LRP1B: variants seen among roughly 807,000 people sequenced by gnomAD.
LRP1B encodes the protein LDL receptor related protein 1B.
In LRP1B, 217 loss-of-function variants were observed where a neutral mutation model predicts 556.6. That is an observed-to-expected ratio of 0.39 (90% confidence interval 0.35 to 0.44). The LOEUF is 0.44. Among genes scored for constraint, LRP1B ranks in the 20% least tolerant of loss-of-function variants. LRP1B has a pLI of 1.00. For synonymous variants in LRP1B, 2,047 were observed against 1,865.8 expected, an observed-to-expected ratio of 1.10 and a Z score of -2.50; for missense variants, 5,053 against 5,620.8, an observed-to-expected ratio of 0.90 and a Z score of 3.23.
chr2:142,113,239 C>T (rs1173603344), intron 1 of LRP1B, among the ~76,000 whole-genome samples: 2 of 152,148 alleles, frequency 1.3e-5, no homozygotes, highest in East Asian at 3.9e-4. Flanking sequence ...TAATGCCTTT[C>T]AGAAGGATCA....
intron 15 of LRP1B, among the ~76,000 whole-genome samples, chr2:141,002,426 C>G (rs866645768): frequency 2.0e-5 from 3 of 151,938 alleles, no homozygotes; most frequent in Non-Finnish European, 4.4e-5. Context: ...AGTCATCCCT[C>G]GATATCCAGG....
At chr2:141,403,335 C>T (rs1188141193) in intron 3 of LRP1B, among the ~76,000 whole-genome samples, 1 of 151,156 alleles carries the variant, frequency 6.6e-6, no homozygotes, top group African/African-American at 2.5e-5. Context: ...TATTTCAAAA[C>T]TATTAAAAAA....
chr2:142,056,651 G>C (rs1464043783), intron 1 of LRP1B, among the ~76,000 whole-genome samples: 1 of 152,014 alleles, frequency 6.6e-6, no homozygotes, highest in Non-Finnish European at 1.5e-5. Context: ...ATAAATATCA[G>C]ACAACTCTGA....
At chr2:140,395,948 G>C (rs1482633350) in intron 66 of LRP1B, among the ~76,000 whole-genome samples, 2 of 152,116 alleles carry the variant, frequency 1.3e-5, no homozygotes, top group African/African-American at 2.4e-5. Context: ...GGGGGAAGGG[G>C]AAAGTAGTTA....
rs369857549 is a variant in LRP1B at position 140,952,521 on chromosome 2, C to A, written c.2888-581G>T. On this transcript the variant is annotated intron_variant, in intron 18 of 90. Transcript: ENST00000389484. ...ACGAAAAAGAACAAAACAACAACAA[C>A]AAAAAAAACAAAAAACCGAAAAAAA... Among the ~76,000 whole-genome samples the A allele has an allele frequency of 1.6e-4, 23 of 147,498 alleles. 1 individual carries two copies. The highest frequency in any genetic ancestry group is 8.8e-4 in the Admixed American group (13 of 14,832).
intron 1 of LRP1B, among the ~76,000 whole-genome samples, chr2:142,051,965 C>A (rs538554622): frequency 7.9e-5 from 12 of 151,952 alleles, no homozygotes; most frequent in Non-Finnish European, 1.8e-4. Context: ...TGAAAAGAAC[C>A]ACCAATTGTG....
At chr2:141,252,087 G>T (rs536780571) in intron 4 of LRP1B, among the ~76,000 whole-genome samples, 1 of 152,030 alleles carries the variant, frequency 6.6e-6, no homozygotes, top group Non-Finnish European at 1.5e-5. Context: ...TGTCTCTCAT[G>T]CTAGAGAGCT....
intron 3 of LRP1B, among the ~76,000 whole-genome samples, chr2:141,277,367 G>A (rs537943827): frequency 2.6e-5 from 4 of 152,242 alleles, no homozygotes; most frequent in South Asian, 4.1e-4. Flanking sequence ...CTGTGGTTTC[G>A]ATTTGCATTT....
chr2:140,233,983 G>A (rs1680582740), intron 90 of LRP1B, among the ~76,000 whole-genome samples: 1 of 151,236 alleles, frequency 6.6e-6, no homozygotes, highest in South Asian at 2.1e-4. Context: ...ACCTCTTTGA[G>A]TTGGAAAACA....
At chr2:141,184,096 CTAAA>C (rs1331614918) in intron 7 of LRP1B, among the ~76,000 whole-genome samples, 1 of 152,004 alleles carries the variant, frequency 6.6e-6, no homozygotes, top group Non-Finnish European at 1.5e-5. Flanking sequence ...GACCCCAATA[CTAAA>C]TAGTTTGATA....
intron 41 of LRP1B, among the ~76,000 whole-genome samples, chr2:140,665,001 T>G (rs1341939269): frequency 6.6e-6 from 1 of 152,108 alleles, no homozygotes; most frequent in Non-Finnish European, 1.5e-5. Context: ...ACAACCAAAT[T>G]AAGGCTATTT....
At chr2:141,712,751 C>A (rs1692410164) in intron 2 of LRP1B, among the ~76,000 whole-genome samples, 1 of 151,850 alleles carries the variant, frequency 6.6e-6, no homozygotes, top group South Asian at 2.1e-4. Context: ...CTCACTGCAA[C>A]CTCCGCCTCC....
At chr2:141,752,550 G>T (rs1281615832) in intron 2 of LRP1B, among the ~76,000 whole-genome samples, 1 of 151,922 alleles carries the variant, frequency 6.6e-6, no homozygotes, top group African/African-American at 2.4e-5. Context: ...TGCCAAAACC[G>T]GTGGTTCTCA....
intron 1 of LRP1B, among the ~76,000 whole-genome samples, chr2:141,909,404 T>G (rs1227331520): frequency 6.6e-6 from 1 of 152,060 alleles, no homozygotes; most frequent in Non-Finnish European, 1.5e-5. Context: ...CTCACTATAA[T>G]TTACTCATTC....
rs1028493550 is a variant in LRP1B, at chr2:141,096,988, C to T, written c.1014-34715G>A. Among the ~76,000 whole-genome samples the T allele has an allele frequency of 3.3e-5, 5 of 152,148 alleles. No individual in the cohort carries two copies. In the South Asian group the frequency reaches 8.3e-4, roughly 25 times the overall value. ...ATTAAACACATATTCCTTAAAGAGG[C>T]GAGCCGTTCCTTGCTAGTCGCTTTT... On this transcript the variant is annotated intron_variant, in intron 7 of 90. Transcript: ENST00000389484.
chr2:142,032,389 C>T lies in LRP1B; in HGVS notation c.82+98259G>A, dbSNP rs544638453. Among the ~76,000 whole-genome samples, 5 of 151,860 alleles carry T rather than the reference C, an allele frequency of 3.3e-5. No individual in the cohort carries two copies. The South Asian group carries it at 8.3e-4, about 25-fold the overall frequency. ...AATTATATATCATCAATTTCTTAACCTGTGTTAAACCACATCCCTCGGCTC... is the reference window on the plus strand; with the variant it reads ...AATTATATATCATCAATTTCTTAACTTGTGTTAAACCACATCCCTCGGCTC... On this transcript the variant is annotated intron_variant, in intron 1 of 90. Transcript: ENST00000389484.
intron 41 of LRP1B, among the ~76,000 whole-genome samples, chr2:140,663,306 C>T (rs561783266): frequency 6.6e-6 from 1 of 152,258 alleles, no homozygotes; most frequent in Admixed American, 6.5e-5. Flanking sequence ...ATCGAGTATT[C>T]ACCATAGTGG....
At chr2:142,061,912 C>T (rs1157594906) in intron 1 of LRP1B, among the ~76,000 whole-genome samples, 1 of 151,880 alleles carries the variant, frequency 6.6e-6, no homozygotes, top group African/African-American at 2.4e-5. Flanking sequence ...TCCTCCCTAT[C>T]TTGATCAACT....
intron 2 of LRP1B, among the ~76,000 whole-genome samples, chr2:141,709,992 T>C (rs1692299285): frequency 6.6e-6 from 1 of 152,052 alleles, no homozygotes; most frequent in African/African-American, 2.4e-5. Context: ...ACAAGGGAGT[T>C]CTTTGGGGTC....
Sources: gnomAD v4.1 joint callset for allele counts (sites outside exome capture counted in the v4.1 genomes callset) on GRCh38, gnomAD v4.1.1 for gene constraint, MANE v1.5 for transcripts, NCBI Gene and HGNC (gene_info 2026-07-23, HGNC 2026-07-21) for gene names.